The following SMOC2 variants were observed in gnomAD, a reference collection of about 807,000 sequenced individuals.
SMOC2 encodes the protein SPARC-related modular calcium-binding protein 2.
A neutral mutation model predicts 61.4 loss-of-function variants in SMOC2; 39 were observed. The ratio of observed to expected loss-of-function variants is 0.64; its 90% CI spans 0.49 to 0.83. The LOEUF is 0.83. Ranked by LOEUF, SMOC2 falls within the 40% of genes least tolerant of loss-of-function variation. The pLI is 0.00. For missense variants in SMOC2, 556 were observed against 592.9 expected (o/e 0.94, Z 0.65); for synonymous variants, 247 against 239.9 (o/e 1.03, Z -0.27).
intron 7 of SMOC2, among the ~76,000 whole-genome samples, chr6:168,590,151 G>A (rs1227902894): frequency 7.3e-6 from 1 of 136,852 alleles, no homozygotes; most frequent in East Asian, 2.4e-4. Context: ...ATGAGTTTAG[G>A]GGGCAGCCCC....
intron 7 of SMOC2, among the ~76,000 whole-genome samples, chr6:168,557,332 T>G (rs1052144031): frequency 1.1e-4 from 17 of 152,222 alleles, no homozygotes; most frequent in African/African-American, 4.1e-4. Flanking sequence ...ATTAATTAAC[T>G]TACCAAAAAT....
intron 7 of SMOC2, among the ~76,000 whole-genome samples, chr6:168,584,312 T>G (rs1417150893): frequency 1.3e-5 from 2 of 152,226 alleles, no homozygotes; most frequent in African/African-American, 4.8e-5. Context: ...TAAACTGAAT[T>G]GAGACATTCT....
chr6:168,559,353 G>A (rs889133131), intron 7 of SMOC2, among the ~76,000 whole-genome samples: 9 of 152,154 alleles, frequency 5.9e-5, no homozygotes, highest in Middle Eastern at 6.8e-3. Context: ...TACTCAGGAG[G>A]CTGAGGCAGG....
At chr6:168,549,317 G>A in intron 7 of SMOC2, 114 bp downstream of exon 7, 1 of 916,462 alleles carries the variant, frequency 1.1e-6, no homozygotes. Context: ...ACAACATGGG[G>A]GTGAGGGGTG....
intron 6 of SMOC2, among the ~76,000 whole-genome samples, chr6:168,547,724 A>T (rs925872588): frequency 6.6e-6 from 1 of 151,978 alleles, no homozygotes; most frequent in Non-Finnish European, 1.5e-5. Flanking sequence ...TCATGATGTT[A>T]GACAGGGATA....
chr6:168,445,894 G>A (rs1032637154), intron 1 of SMOC2, among the ~76,000 whole-genome samples: 1 of 152,192 alleles, frequency 6.6e-6, no homozygotes, highest in Non-Finnish European at 1.5e-5. Flanking sequence ...TGCAGCCAAT[G>A]GGCATGGATG....
At chr6:168,527,216 AG>A (rs1430261895) in intron 3 of SMOC2, among the ~76,000 whole-genome samples, 1 of 152,080 alleles carries the variant, frequency 6.6e-6, no homozygotes, top group Non-Finnish European at 1.5e-5. Context: ...CCCTGGTTGC[AG>A]GGGGAGCGGG....
intron 1 of SMOC2, among the ~76,000 whole-genome samples, chr6:168,466,850 G>A (rs1562543010): frequency 6.6e-6 from 1 of 152,218 alleles, no homozygotes; most frequent in Non-Finnish European, 1.5e-5. Context: ...GCCAAGGAAT[G>A]GTGAATAGCC....
At chr6:168,545,292 G>C (rs1399515268) in intron 5 of SMOC2, among the ~76,000 whole-genome samples, 1 of 151,978 alleles carries the variant, frequency 6.6e-6, no homozygotes, top group Non-Finnish European at 1.5e-5. Context: ...TAGTACATGG[G>C]CATGAAAGTG....
intron 1 of SMOC2, among the ~76,000 whole-genome samples, chr6:168,496,707 G>T (rs1279814372): frequency 6.6e-6 from 1 of 152,172 alleles, no homozygotes; most frequent in Non-Finnish European, 1.5e-5. Context: ...CCACCCTGGG[G>T]CCTCCCGAGC....
In SMOC2 at chr6:168,557,730, ATGT is replaced by A. The variant is rs1250729115; in HGVS notation, c.637+8530_637+8532del. ...ACGTCACTAGTTGCTCATGGGTCTGATGTTGACGTCACCAGTTGCTCATGGGTC... is the reference window on the plus strand; with the variant it reads ...ACGTCACTAGTTGCTCATGGGTCTGATGACGTCACCAGTTGCTCATGGGTC... On this transcript the variant is annotated intron_variant, in intron 7 of 12. Transcript: ENST00000356284. 2.0e-5 allele frequency among the ~76,000 whole-genome samples: 3 copies of A among 151,994 alleles called. No individual in the cohort carries two copies. In the East Asian group the frequency reaches 5.8e-4, roughly 29 times the overall value.
At chr6:168,592,147 T>G (rs979209696) in intron 7 of SMOC2, among the ~76,000 whole-genome samples, 1 of 152,252 alleles carries the variant, frequency 6.6e-6, no homozygotes, top group Non-Finnish European at 1.5e-5. Context: ...CCATGATCCT[T>G]GGAGCAGCCT....
chr6:168,455,632 A>G (rs1413253076), intron 1 of SMOC2, among the ~76,000 whole-genome samples: 2 of 152,242 alleles, frequency 1.3e-5, no homozygotes, highest in African/African-American at 4.8e-5. Flanking sequence ...ATAAAATGTA[A>G]AGGAAAAGGT....
intron 7 of SMOC2, among the ~76,000 whole-genome samples, chr6:168,555,442 C>T (rs1336636722): frequency 2.6e-5 from 4 of 152,150 alleles, no homozygotes; most frequent in African/African-American, 4.8e-5. Flanking sequence ...CACCAGGGGC[C>T]AAGCAGGGAA....
chr6:168,523,714 A>T lies in SMOC2; in HGVS notation c.257-2632A>T, dbSNP rs189243294. On this transcript the variant is annotated intron_variant, in intron 2 of 12. Coordinates refer to ENST00000356284, the MANE Select transcript of SMOC2 (RefSeq NM_001166412.2). ...GCACCTGGCCGTCATACAGTAATTT[A>T]AAAAATTATGTTGCTTATGTTCTGG... Among the ~76,000 whole-genome samples, 21 of 152,228 alleles carry T rather than the reference A, an allele frequency of 1.4e-4. No homozygotes were observed. The East Asian group carries it at 4.1e-3, about 29-fold the overall frequency.
chr6:168,466,331 C>G (rs1455403002), intron 1 of SMOC2, among the ~76,000 whole-genome samples: 2 of 152,040 alleles, frequency 1.3e-5, no homozygotes, highest in African/African-American at 4.8e-5. Flanking sequence ...CTGGGGTGCT[C>G]TGGATGAAGC....
intron 1 of SMOC2, among the ~76,000 whole-genome samples, chr6:168,504,903 C>T (rs2749251): frequency 0.48 from 72,391 of 151,654 alleles, 17,919 homozygotes; most frequent in African/African-American, 0.59. Flanking sequence ...TGAGGCTTTA[C>T]TCTTAAAGAC....
chr6:168,665,012 G>A, intron 12 of SMOC2: 1 of 308,630 alleles, frequency 3.2e-6, no homozygotes, highest in Admixed American at 4.7e-5. Flanking sequence ...CATTTCCTGA[G>A]GAAAGATGTG....
At chr6:168,542,476 T>A (rs925684259) in intron 4 of SMOC2, among the ~76,000 whole-genome samples, 1 of 152,240 alleles carries the variant, frequency 6.6e-6, no homozygotes, top group African/African-American at 2.4e-5. Context: ...TATTTTTAGA[T>A]ATGCAGCCTG....
Sources: allele counts gnomAD v4.1 joint callset (sites outside exome capture counted in the v4.1 genomes callset), GRCh38; gene constraint gnomAD v4.1.1; transcripts MANE v1.5; gene names NCBI Gene and HGNC (gene_info 2026-07-23, HGNC 2026-07-21).